NRDC: variants seen among roughly 807,000 people sequenced by gnomAD.
NRDC encodes the protein nardilysin convertase.
Under a neutral mutation model 147.1 loss-of-function variants are expected in NRDC, and 54 were observed. That is an observed-to-expected ratio of 0.37 (90% CI 0.29 to 0.46). NRDC has a LOEUF of 0.46. NRDC is among the 20% of genes least tolerant of loss of function. NRDC has a pLI of 1.00. For missense variants in NRDC, 1,082 were observed against 1,370.6 expected, an observed-to-expected ratio of 0.79 and a Z score of 3.33; for synonymous variants, 440 against 482.1, an observed-to-expected ratio of 0.91 and a Z score of 1.14.
chr1:51,803,382 T>G (rs144933570), intron 20 of NRDC, among the ~76,000 whole-genome samples: 2 of 150,746 alleles, frequency 1.3e-5, no homozygotes, highest in African/African-American at 4.9e-5. Context: ...GGCTGAGGCA[T>G]GAGAACTGAT....
At chr1:51,829,565 T>C (rs1404774454) in intron 4 of NRDC, among the ~76,000 whole-genome samples, 1 of 152,234 alleles carries the variant, frequency 6.6e-6, no homozygotes, top group Non-Finnish European at 1.5e-5. Flanking sequence ...TGATTTGATG[T>C]CTTACAACAG....
rs1370741767 is a variant in NRDC at position 51,840,313 on chromosome 1, TTCA to T, written c.540_542del (p.Asp180del). ...CCTCAGTATCAAGATCATCATCATG[TTCA>T]TCATCAAACTCATCTTCATCATCAA... On this transcript the variant is annotated inframe_deletion, in exon 2 of 31. Transcript: ENST00000352171. The T allele has an allele frequency of 1.8e-5, 28 of 1,566,228 alleles. No homozygotes were observed. The highest frequency in any genetic ancestry group is 2.2e-5 in the Non-Finnish European group (25 of 1,136,808).
intron 22 of NRDC, chr1:51,797,826 T>G (rs1325001094): frequency 6.4e-6 from 1 of 156,112 alleles, no homozygotes; most frequent in African/African-American, 2.4e-5. Flanking sequence ...GCTGGAATAC[T>G]GTGGTGCAAT....
intron 2 of NRDC, chr1:51,837,336 T>C (rs1055890764): frequency 2.7e-5 from 17 of 622,020 alleles, no homozygotes; most frequent in Admixed American, 1.8e-4. Flanking sequence ...AGAAAATGAG[T>C]GTGTTTTCAG....
intron 1 of NRDC, chr1:51,859,928 G>A (rs72901938): frequency 0.013 from 2,321 of 173,196 alleles, 64 homozygotes; most frequent in African/African-American, 0.053. Flanking sequence ...AGACAGAAGG[G>A]GAGGGGTTAC....
chr1:51,814,851 T>C, intron 11 of NRDC, 38 bp from the exon 12 acceptor site: 1 of 1,540,726 alleles, frequency 6.5e-7, no homozygotes, highest in Non-Finnish European at 8.7e-7. Context: ...TCAATGTTCC[T>C]GGATTGACAG....
At chr1:51,826,055 A>C (rs1680431342) in intron 5 of NRDC, among the ~76,000 whole-genome samples, 1 of 152,208 alleles carries the variant, frequency 6.6e-6, no homozygotes, top group East Asian at 1.9e-4. Flanking sequence ...TGAACCAGAG[A>C]GCAGGCTGTC....
chr1:51,823,082 T>C (rs1007574767), intron 7 of NRDC, among the ~76,000 whole-genome samples: 1 of 152,108 alleles, frequency 6.6e-6, no homozygotes, highest in Non-Finnish European at 1.5e-5. Flanking sequence ...ATTTCCTTAA[T>C]GAGAAAAAGT....
At chr1:51,855,344 T>G (rs1682182493) in intron 1 of NRDC, among the ~76,000 whole-genome samples, 1 of 152,176 alleles carries the variant, frequency 6.6e-6, no homozygotes, top group Non-Finnish European at 1.5e-5. Context: ...GGTTATGTCC[T>G]TATTGTGCCA....
intron 1 of NRDC, among the ~76,000 whole-genome samples, chr1:51,857,941 G>A (rs1323306069): frequency 1.3e-5 from 2 of 152,158 alleles, no homozygotes; most frequent in African/African-American, 2.4e-5. Flanking sequence ...CTTAGTATCT[G>A]AAGAACACCG....
Position 51,809,299 on chromosome 1 carries a change from T to C in NRDC, c.1990+16A>G, listed in dbSNP as rs754059957. ...CACATGGATGGATTATGTATAAAAA[T>C]TGCTATTTTACTGACCTATGTACTT... On this transcript the variant is annotated intron_variant, in intron 17 of 30. Coordinates refer to ENST00000352171, the MANE Select transcript of NRDC (RefSeq NM_001101662.2). 2 of 1,568,206 alleles carry C rather than the reference T, an allele frequency of 1.3e-6. No individual in the cohort carries two copies. Among genetic ancestry groups the C allele is most frequent in the Non-Finnish European group, 8.8e-7 (1 of 1,138,336 alleles).
intron 1 of NRDC, among the ~76,000 whole-genome samples, chr1:51,847,245 T>G (rs1214741703): frequency 6.6e-6 from 1 of 152,150 alleles, no homozygotes. Flanking sequence ...GACTGGTGTA[T>G]CCACAATCCC....
Position 51,811,235 on chromosome 1 carries a change from T to C in NRDC, c.1779+759A>G, listed in dbSNP as rs150228336. Among the ~76,000 whole-genome samples the C allele has an allele frequency of 2.8e-3, 429 of 152,302 alleles. 3 individuals carry two copies. The highest frequency in any genetic ancestry group is 9.9e-3 in the African/African-American group (413 of 41,560). ...ATTAATAGTTTAGGAACGTCTATGC[T>C]AAAATATCTCAAGGAATGCCCTATA... On this transcript the variant is annotated intron_variant, in intron 15 of 30. Transcript: ENST00000352171.
intron 1 of NRDC, among the ~76,000 whole-genome samples, chr1:51,865,949 C>T (rs1158959516): frequency 1.3e-5 from 2 of 151,674 alleles, no homozygotes; most frequent in Non-Finnish European, 2.9e-5. Context: ...GTTTCAGCTA[C>T]TCAGGAGGCT....
At chr1:51,792,217 A>G (rs1176608051) in intron 25 of NRDC, 119 bp from the exon 26 acceptor site, 1 of 1,417,100 alleles carries the variant, frequency 7.1e-7, no homozygotes, top group Non-Finnish European at 9.9e-7. Flanking sequence ...CTTTTTCCTA[A>G]TTGGCCCAGG....
At chr1:51,845,378 A>C (rs1008647541) in intron 1 of NRDC, among the ~76,000 whole-genome samples, 3 of 152,178 alleles carry the variant, frequency 2.0e-5, no homozygotes, top group African/African-American at 7.2e-5. Context: ...AGATCACTTG[A>C]GGTCGGGAGT....
At chr1:51,862,827 C>T (rs1490117857) in intron 1 of NRDC, among the ~76,000 whole-genome samples, 1 of 149,406 alleles carries the variant, frequency 6.7e-6, no homozygotes, top group African/African-American at 2.5e-5. Flanking sequence ...ACCAGCTGGA[C>T]AACAAAACCC....
chr1:51,816,379 G>C lies in NRDC; in HGVS notation c.1372C>G (p.Leu458Val). The change falls in exon 11 of 31, where the codon CTT (leucine) becomes GTT (valine). Residue 458 changes from leucine (L) to valine (V), a missense_variant. Leu to Val is a conservative substitution (Grantham distance 32). Coordinates refer to ENST00000352171, the MANE Select transcript of NRDC (RefSeq NM_001101662.2). ...CCAACCAGCCAGGATATATAATGAA[G>C]TGGCTTCACCCTTTTAAAAAAATTT... ...PQQQHYRVKP[L>V]HYISWLVGHE... The C allele has an allele frequency of 6.3e-7, 1 of 1,596,846 alleles. No homozygotes were observed. Among genetic ancestry groups the C allele is most frequent in the Non-Finnish European group, 8.5e-7 (1 of 1,171,188 alleles).
At chr1:51,835,169 C>T (rs1281553072) in intron 3 of NRDC, among the ~76,000 whole-genome samples, 2 of 152,134 alleles carry the variant, frequency 1.3e-5, no homozygotes, top group African/African-American at 4.8e-5. Flanking sequence ...TCAAGTGATT[C>T]TCCTGCCTCA....
Sources: gnomAD v4.1 joint callset for allele counts (sites outside exome capture counted in the v4.1 genomes callset) on GRCh38, gnomAD v4.1.1 for gene constraint, MANE v1.5 for transcripts, NCBI Gene and HGNC (gene_info 2026-07-23, HGNC 2026-07-21) for gene names.